ZNF385D: variants seen among roughly 807,000 people sequenced by gnomAD.
ZNF385D encodes zinc finger protein 385D, also known as zinc finger protein 659.
In ZNF385D, 15 loss-of-function variants were observed where a neutral mutation model predicts 35.8. The observed-to-expected ratio is 0.42, with a 90% confidence interval of 0.28 to 0.64. The LOEUF (loss-of-function observed/expected upper bound fraction) is 0.64, where lower values mean the gene tolerates loss of function less well. Among genes scored for constraint, ZNF385D ranks in the 30% least tolerant of loss-of-function variants. The probability of loss-of-function intolerance (pLI) is 0.23; values close to 1 mark genes in which losing one functional copy is unlikely to be tolerated. For synonymous variants in ZNF385D, 212 were observed against 186.8 expected, an observed-to-expected ratio of 1.13 and a Z score of -1.10; for missense variants, 474 against 494.6, an observed-to-expected ratio of 0.96 and a Z score of 0.39.
chr3:22,021,828 G>C (rs1295024725), intron 3 of ZNF385D, among the ~76,000 whole-genome samples: 1 of 152,036 alleles, frequency 6.6e-6, no homozygotes, highest in East Asian at 1.9e-4. Flanking sequence ...CTGATGCTTT[G>C]TCCCACTCCC....
intron 2 of ZNF385D, among the ~76,000 whole-genome samples, chr3:22,190,783 T>C (rs1576470924): frequency 6.6e-6 from 1 of 151,166 alleles, no homozygotes; most frequent in African/African-American, 2.4e-5. Flanking sequence ...GTACAGGCTA[T>C]TTTTTTTTCC....
chr3:21,591,158 T>C (rs1226989766), intron 2 of ZNF385D, among the ~76,000 whole-genome samples: 1 of 152,136 alleles, frequency 6.6e-6, no homozygotes, highest in Non-Finnish European at 1.5e-5. Context: ...ATCATGCCAC[T>C]GCACCTCAGC....
chr3:21,730,736 A>C (rs2068957972), intron 1 of ZNF385D, among the ~76,000 whole-genome samples: 2 of 152,376 alleles, frequency 1.3e-5, no homozygotes, highest in Admixed American at 1.3e-4. Context: ...ATAGTAGTGT[A>C]GCTATCAAAA....
At chr3:21,516,259 C>G (rs58227348) in intron 3 of ZNF385D, among the ~76,000 whole-genome samples, 1 of 152,128 alleles carries the variant, frequency 6.6e-6, no homozygotes, top group Non-Finnish European at 1.5e-5. Flanking sequence ...TACTGCAGTA[C>G]GACGGTGTCA....
At chr3:21,962,154 C>A (rs1260589953) in intron 3 of ZNF385D, among the ~76,000 whole-genome samples, 3 of 152,026 alleles carry the variant, frequency 2.0e-5, no homozygotes, top group Admixed American at 2.0e-4. Context: ...TAAAGCCAGA[C>A]AGAAAATGTT....
At chr3:21,794,137 T>G (rs186847934) in intron 3 of ZNF385D, among the ~76,000 whole-genome samples, 17 of 152,260 alleles carry the variant, frequency 1.1e-4, no homozygotes, top group Non-Finnish European at 2.1e-4. Flanking sequence ...GTAGCAAAAT[T>G]TCTTTTCGTG....
At chr3:21,556,942 T>G (rs2062762165) in intron 3 of ZNF385D, among the ~76,000 whole-genome samples, 1 of 152,230 alleles carries the variant, frequency 6.6e-6, no homozygotes, top group South Asian at 2.1e-4. Flanking sequence ...CAATTGTGAA[T>G]AGGAGTTCAC....
rs1700690438 is a variant in ZNF385D, at chr3:22,262,595, T to A, written c.107-93560A>T. On this transcript the variant is annotated intron_variant, in intron 2 of 5. Transcript: ENST00000494108. Reference sequence around the variant, plus strand: ...TCGTCCAGTCTTAACATAAAAACATTTGGCAACTGTAACTAAGAATACTTT... The same window carrying A: ...TCGTCCAGTCTTAACATAAAAACATATGGCAACTGTAACTAAGAATACTTT... 2.6e-5 allele frequency among the ~76,000 whole-genome samples: 4 copies of A among 151,966 alleles called. No homozygotes were observed. The South Asian group carries it at 8.3e-4, about 31-fold the overall frequency.
At chr3:21,698,145 C>T (rs1173998982) in intron 1 of ZNF385D, among the ~76,000 whole-genome samples, 1 of 152,136 alleles carries the variant, frequency 6.6e-6, no homozygotes, top group Non-Finnish European at 1.5e-5. Context: ...GACACCTGCA[C>T]ACATATGTTT....
intron 3 of ZNF385D, among the ~76,000 whole-genome samples, chr3:22,164,247 T>TTTTTTTTTTTTTTTTTTTTTG (rs1348547943): frequency 3.2e-5 from 3 of 93,488 alleles, no homozygotes; most frequent in African/African-American, 1.8e-4. Context: ...TTTTTTTTTT[T>TTTTTTTTTTTTTTTTTTTTTG]GAGACGGGGT....
intron 2 of ZNF385D, among the ~76,000 whole-genome samples, chr3:22,319,474 T>C (rs1704077116): frequency 6.6e-6 from 1 of 152,136 alleles, no homozygotes; most frequent in Admixed American, 6.5e-5. Context: ...GAAAATTCAG[T>C]ACTGGGAAAC....
intron 3 of ZNF385D, among the ~76,000 whole-genome samples, chr3:21,819,215 C>T (rs369931026): frequency 4.3e-4 from 65 of 151,550 alleles, no homozygotes; most frequent in South Asian, 1.5e-3. Flanking sequence ...ATAAAGAAAG[C>T]AGAACAAATA....
intron 3 of ZNF385D, among the ~76,000 whole-genome samples, chr3:21,941,867 T>C (rs888473334): frequency 5.9e-5 from 9 of 152,140 alleles, no homozygotes; most frequent in African/African-American, 1.7e-4. Context: ...TTAAGCTCTA[T>C]GATGAAAAAT....
chr3:22,120,737 A>G (rs1419057211), intron 3 of ZNF385D, among the ~76,000 whole-genome samples: 2 of 152,194 alleles, frequency 1.3e-5, no homozygotes, highest in African/African-American at 2.4e-5. Context: ...AATTAATACT[A>G]AAACAAAAAC....
At chr3:21,974,582 C>A (rs1201822410) in intron 3 of ZNF385D, among the ~76,000 whole-genome samples, 1 of 151,944 alleles carries the variant, frequency 6.6e-6, no homozygotes, top group Non-Finnish European at 1.5e-5. Context: ...GGGTTCACAT[C>A]AAGTAAACAG....
chr3:21,902,710 A>G (rs970096914), intron 3 of ZNF385D, among the ~76,000 whole-genome samples: 9 of 152,186 alleles, frequency 5.9e-5, no homozygotes, highest in Non-Finnish European at 1.0e-4. Flanking sequence ...AGTCATTTAA[A>G]AGAAAATGGC....
At chr3:22,012,712 G>T (rs111339459) in intron 3 of ZNF385D, among the ~76,000 whole-genome samples, 2 of 152,110 alleles carry the variant, frequency 1.3e-5, no homozygotes, top group African/African-American at 4.8e-5. Context: ...GAAACTTCAT[G>T]AGTTCCCAAT....
chr3:22,122,165 G>C (rs1465730020), intron 3 of ZNF385D, among the ~76,000 whole-genome samples: 2 of 151,854 alleles, frequency 1.3e-5, no homozygotes, highest in Admixed American at 1.3e-4. Context: ...CTGTTACCTT[G>C]GGTAAAAATC....
At chr3:21,900,880 T>A (rs1020517172) in intron 3 of ZNF385D, among the ~76,000 whole-genome samples, 3 of 152,162 alleles carry the variant, frequency 2.0e-5, no homozygotes, top group African/African-American at 7.2e-5. Context: ...GGACATCATC[T>A]AATTTAGTTC....
Sources: allele counts gnomAD v4.1 joint callset (sites outside exome capture counted in the v4.1 genomes callset), GRCh38; gene constraint gnomAD v4.1.1; transcripts MANE v1.5; gene names NCBI Gene and HGNC (gene_info 2026-07-23, HGNC 2026-07-21).